Variants in TFPI observed in about 807,000 individuals in gnomAD.
TFPI encodes the protein anti-convertin.
In TFPI, 15 loss-of-function variants were observed where a neutral mutation model predicts 34.6. The ratio of observed to expected loss-of-function variants is 0.43; its 90% CI spans 0.29 to 0.67. The LOEUF is 0.67. Ranked by LOEUF, TFPI falls within the 30% of genes least tolerant of loss-of-function variation. TFPI has a pLI of 0.15. For synonymous variants in TFPI, 105 were observed against 120.1 expected (o/e 0.87, Z 0.82); for missense variants, 301 against 364.0 (o/e 0.83, Z 1.41).
intron 6 of TFPI, among the ~76,000 whole-genome samples, chr2:187,479,010 G>A (rs1036711993): frequency 9.2e-5 from 14 of 151,894 alleles, no homozygotes; most frequent in African/African-American, 3.1e-4. Flanking sequence ...AGAAGCCAGG[G>A]GAGAGAGACA....
At chr2:187,529,800 C>A (rs1052518569) in intron 1 of TFPI, among the ~76,000 whole-genome samples, 6 of 152,164 alleles carry the variant, frequency 3.9e-5, no homozygotes, top group African/African-American at 1.4e-4. Context: ...AGTGCACTTT[C>A]TAATGTGCAA....
chr2:187,516,106 C>A (rs1415257675), intron 1 of TFPI: 1 of 152,168 alleles, frequency 6.6e-6, no homozygotes, highest in East Asian at 1.9e-4. Context: ...ACTAATAAAA[C>A]TGGTAGAGCT....
intron 6 of TFPI, among the ~76,000 whole-genome samples, chr2:187,472,721 G>C (rs775339169): frequency 1.3e-5 from 2 of 152,108 alleles, no homozygotes; most frequent in Non-Finnish European, 2.9e-5. Flanking sequence ...CATAAACAAA[G>C]AAAGACACGG....
chr2:187,467,027 A>G lies in TFPI; in HGVS notation c.824T>C (p.Ile275Thr), dbSNP rs1309813542. Reference sequence around the variant, plus strand: ...GGTTTTAATTAGGCCTCCTTTTGATATTCTTTGGATGAAACCTATAAGAGG... The same window carrying G: ...GGTTTTAATTAGGCCTCCTTTTGATGTTCTTTGGATGAAACCTATAAGAGG... Reference protein sequence around the residue: ...RACKKGFIQRISKGGLIKTKR... With the variant: ...RACKKGFIQRTSKGGLIKTKR... The change falls in exon 8 of 8, where the codon ATA becomes ACA. Residue 275 changes from isoleucine to threonine, a missense_variant. By Grantham distance (89) the Ile-to-Thr change is moderately conservative (BLOSUM62 -1). Transcript: ENST00000233156. 1.3e-6 allele frequency: 2 copies of G among 1,577,940 alleles called. No individual in the cohort carries two copies. Among genetic ancestry groups the G allele is most frequent in the Non-Finnish European group, 1.7e-6 (2 of 1,156,972 alleles).
intron 4 of TFPI, among the ~76,000 whole-genome samples, chr2:187,486,244 G>C (rs1693249718): frequency 6.6e-6 from 1 of 151,448 alleles, no homozygotes. Flanking sequence ...TCTTTAAAAT[G>C]TTATAACATT....
At chr2:187,490,673 A>G (rs1441099868) in intron 3 of TFPI, among the ~76,000 whole-genome samples, 1 of 151,692 alleles carries the variant, frequency 6.6e-6, no homozygotes, top group Non-Finnish European at 1.5e-5. Context: ...ACAGAGTGAT[A>G]ATATCTACCT....
intron 1 of TFPI, among the ~76,000 whole-genome samples, chr2:187,521,969 A>G (rs1351448650): frequency 6.6e-6 from 1 of 152,032 alleles, no homozygotes; most frequent in Non-Finnish European, 1.5e-5. Context: ...TTATTATTTG[A>G]TTTTCATTTC....
intron 3 of TFPI, among the ~76,000 whole-genome samples, chr2:187,496,003 A>G (rs1181026111): frequency 6.6e-6 from 1 of 152,170 alleles, no homozygotes; most frequent in Admixed American, 6.6e-5. Flanking sequence ...AAGATATAAA[A>G]TCCCATACAA....
At chr2:187,497,126 G>C in intron 2 of TFPI, 48 bp from the exon 3 acceptor site, 1 of 1,483,978 alleles carries the variant, frequency 6.7e-7, no homozygotes, top group African/African-American at 1.4e-5. Context: ...CATCAACACT[G>C]TAATAATGTT....
At chr2:187,470,821 G>A (rs1691988967) in intron 6 of TFPI, among the ~76,000 whole-genome samples, 1 of 152,192 alleles carries the variant, frequency 6.6e-6, no homozygotes, top group Non-Finnish European at 1.5e-5. Context: ...CTGAATCAGA[G>A]GGTGTCTGGC....
At chr2:187,512,599 A>C (rs1172045803) in intron 1 of TFPI, among the ~76,000 whole-genome samples, 1 of 152,110 alleles carries the variant, frequency 6.6e-6, no homozygotes, top group Non-Finnish European at 1.5e-5. Context: ...AGGATAATTG[A>C]AATCCCAAAC....
chr2:187,509,823 A>G (rs1574460854), intron 1 of TFPI, among the ~76,000 whole-genome samples: 1 of 151,952 alleles, frequency 6.6e-6, no homozygotes, highest in Non-Finnish European at 1.5e-5. Context: ...TAGTTGTCAG[A>G]TATAAAAAGA....
intron 6 of TFPI, among the ~76,000 whole-genome samples, chr2:187,470,875 A>G (rs985460457): frequency 6.6e-6 from 1 of 152,222 alleles, no homozygotes; most frequent in Non-Finnish European, 1.5e-5. Flanking sequence ...AGATGCACCT[A>G]TAATCAGATA....
chr2:187,478,892 TA>T (rs1358999792), intron 6 of TFPI: 1 of 1,044,294 alleles, frequency 9.6e-7, no homozygotes, highest in Non-Finnish European at 1.4e-6. Context: ...GGGAAGTCTA[TA>T]AACTGTATAG....
intron 1 of TFPI, among the ~76,000 whole-genome samples, chr2:187,539,810 A>G (rs1294152798): frequency 6.6e-6 from 1 of 152,094 alleles, no homozygotes; most frequent in African/African-American, 2.4e-5. Context: ...TTATCCTCAA[A>G]CTGAATAAAC....
At chr2:187,530,850 A>G (rs1235307300) in intron 1 of TFPI, among the ~76,000 whole-genome samples, 1 of 152,200 alleles carries the variant, frequency 6.6e-6, no homozygotes, top group Admixed American at 6.5e-5. Flanking sequence ...TTTTTTTTAC[A>G]GAAAGTAAAA....
intron 6 of TFPI, 124 bp downstream of exon 6, chr2:187,483,998 AAC>A (rs1693066618): frequency 4.0e-6 from 3 of 758,764 alleles, no homozygotes; most frequent in Non-Finnish European, 6.4e-6. Flanking sequence ...TATTTCAACA[AAC>A]ACATTATTAA....
chr2:187,477,567 C>T (rs1331973782), intron 6 of TFPI, among the ~76,000 whole-genome samples: 2 of 151,940 alleles, frequency 1.3e-5, no homozygotes, highest in Non-Finnish European at 2.9e-5. Flanking sequence ...GAGTTTCTCT[C>T]CAGAAAGTTC....
intron 2 of TFPI, among the ~76,000 whole-genome samples, chr2:187,502,873 C>T (rs964592858): frequency 6.6e-6 from 1 of 152,086 alleles, no homozygotes; most frequent in African/African-American, 2.4e-5. Context: ...TTTTAAAAAG[C>T]TATTAAAGCT....
Sources: allele counts gnomAD v4.1 joint callset (sites outside exome capture counted in the v4.1 genomes callset), GRCh38; gene constraint gnomAD v4.1.1; transcripts MANE v1.5; gene names NCBI Gene and HGNC (gene_info 2026-07-23, HGNC 2026-07-21).